DGKB: variants seen among roughly 807,000 people sequenced by gnomAD.
DGKB encodes diacylglycerol kinase beta, also known as 90 kDa diacylglycerol kinase.
Under a neutral mutation model 114.3 loss-of-function variants are expected in DGKB, and 67 were observed. The observed-to-expected ratio is 0.59, with a 90% CI of 0.48 to 0.72. DGKB has a LOEUF of 0.72. Among genes scored for constraint, DGKB ranks in the 30% least tolerant of loss-of-function variants. The pLI is 0.00. For synonymous variants in DGKB, 398 were observed against 323.1 expected (o/e 1.23, Z -2.49); for missense variants, 907 against 975.2 (o/e 0.93, Z 0.93).
At chr7:14,183,689 T>G (rs1405276275) in intron 23 of DGKB, among the ~76,000 whole-genome samples, 1 of 152,208 alleles carries the variant, frequency 6.6e-6, no homozygotes, top group Non-Finnish European at 1.5e-5. Context: ...TTACATAGAA[T>G]TGAAAATCTG....
intron 20 of DGKB, among the ~76,000 whole-genome samples, chr7:14,542,448 ATTC>A (rs1369751062): frequency 5.3e-5 from 8 of 151,824 alleles, no homozygotes; most frequent in Non-Finnish European, 1.0e-4. Flanking sequence ...TACTCACAAC[ATTC>A]TTCTTGTCCA....
At chr7:14,458,359 T>C (rs559570547) in intron 21 of DGKB, among the ~76,000 whole-genome samples, 1 of 152,294 alleles carries the variant, frequency 6.6e-6, no homozygotes, top group East Asian at 1.9e-4. Flanking sequence ...AATAAATACC[T>C]CTGATAAAAC....
chr7:14,638,166 T>C (rs1811091386), intron 13 of DGKB, among the ~76,000 whole-genome samples: 1 of 152,136 alleles, frequency 6.6e-6, no homozygotes, highest in Admixed American at 6.5e-5. Flanking sequence ...ATTTTACATG[T>C]GAGGCATTTT....
chr7:14,870,117 G>A (rs1477475932), intron 1 of DGKB, among the ~76,000 whole-genome samples: 1 of 152,154 alleles, frequency 6.6e-6, no homozygotes, highest in East Asian at 1.9e-4. Context: ...ATTGCCACCT[G>A]TATGAAAAAC....
At chr7:14,801,354 C>T (rs755935961) in intron 2 of DGKB, among the ~76,000 whole-genome samples, 1 of 152,100 alleles carries the variant, frequency 6.6e-6, no homozygotes. Context: ...GGGTGCTCAG[C>T]TGACAAGGAG....
intron 21 of DGKB, among the ~76,000 whole-genome samples, chr7:14,471,907 A>G (rs1182674820): frequency 1.3e-5 from 2 of 152,134 alleles, no homozygotes; most frequent in African/African-American, 4.8e-5. Context: ...AAAAGCAGAA[A>G]GTAGTACAGA....
At chr7:14,288,661 T>C (rs1584951273) in intron 23 of DGKB, among the ~76,000 whole-genome samples, 1 of 152,300 alleles carries the variant, frequency 6.6e-6, no homozygotes, top group East Asian at 1.9e-4. Context: ...TTTGCCTTCA[T>C]CATTTTGTCC....
intron 20 of DGKB, among the ~76,000 whole-genome samples, chr7:14,521,140 G>GTATGTAATAT (rs1178205705): frequency 1.3e-5 from 2 of 152,016 alleles, no homozygotes; most frequent in African/African-American, 4.8e-5. Context: ...TCTGTGTGTT[G>GTATGTAATAT]TATGTAATAT....
Position 14,682,758 on chromosome 7 carries a change from T to C in DGKB, c.913A>G (p.Thr305Ala). The C allele has an allele frequency of 1.2e-6, 2 of 1,612,424 alleles. No homozygotes were observed. Among genetic ancestry groups the C allele is most frequent in the Non-Finnish European group, 1.7e-6 (2 of 1,178,914 alleles). The change falls in exon 11 of 26, where the codon ACT (threonine) becomes GCT (alanine). Residue 305 changes from threonine to alanine, a missense_variant. Coordinates refer to ENST00000402815, the MANE Select transcript of DGKB (RefSeq NM_001350709.2). ...IKTYVKSKRN[T>A]DVMHHYWVEG... The stretch of plus-strand genomic sequence containing the variant: ...AAGCATGCACACAAACTTACATCAG[T>C]GTTCCTTTTGGACTTCACATAGGTC...
At chr7:14,864,505 A>G (rs919607390) in intron 1 of DGKB, among the ~76,000 whole-genome samples, 1 of 152,210 alleles carries the variant, frequency 6.6e-6, no homozygotes, top group African/African-American at 2.4e-5. Flanking sequence ...AAAATTATAC[A>G]GTCTGATTGG....
At chr7:14,188,388 C>T (rs1209633427) in intron 23 of DGKB, among the ~76,000 whole-genome samples, 1 of 149,152 alleles carries the variant, frequency 6.7e-6, no homozygotes, top group African/African-American at 2.5e-5. Flanking sequence ...TGGCCGGGCG[C>T]GGTGGCTCAC....
rs529773626 is a variant in DGKB, at chr7:14,645,776, C to G, written c.1135-15508G>C. On this transcript the variant is annotated intron_variant, in intron 13 of 25. Coordinates refer to ENST00000402815, the MANE Select transcript of DGKB (RefSeq NM_001350709.2). Reference sequence around the variant, plus strand: ...AAAGAAATAAAGAGTAAAGTTTTCTCAGACAAGCAAAAACTGAGGGAATTC... The same window carrying G: ...AAAGAAATAAAGAGTAAAGTTTTCTGAGACAAGCAAAAACTGAGGGAATTC... 2.0e-5 allele frequency among the ~76,000 whole-genome samples: 3 copies of G among 151,822 alleles called. No individual in the cohort carries two copies. In the South Asian group the frequency reaches 6.2e-4, roughly 32 times the overall value.
intron 3 of DGKB, among the ~76,000 whole-genome samples, chr7:14,757,265 C>G (rs1471891931): frequency 6.6e-6 from 1 of 152,138 alleles, no homozygotes; most frequent in East Asian, 1.9e-4. Flanking sequence ...GCCAAGCATA[C>G]TCCTTCTCTA....
intron 21 of DGKB, among the ~76,000 whole-genome samples, chr7:14,353,793 A>C (rs1233227270): frequency 5.9e-5 from 9 of 152,196 alleles, no homozygotes; most frequent in African/African-American, 2.2e-4. Flanking sequence ...AAAGGAGGTA[A>C]AGTAGAGAAT....
intron 21 of DGKB, among the ~76,000 whole-genome samples, chr7:14,420,493 C>G (rs934807389): frequency 3.9e-5 from 6 of 151,948 alleles, no homozygotes; most frequent in African/African-American, 1.4e-4. Context: ...GGAGCAGTAT[C>G]TATCCTATTT....
intron 1 of DGKB, among the ~76,000 whole-genome samples, chr7:14,924,927 C>T (rs1784678101): frequency 6.6e-6 from 1 of 152,126 alleles, no homozygotes; most frequent in Non-Finnish European, 1.5e-5. Flanking sequence ...TGCACAGCTT[C>T]TCTCCTTCCC....
intron 21 of DGKB, among the ~76,000 whole-genome samples, chr7:14,400,187 C>T (rs1051918688): frequency 6.6e-6 from 1 of 151,790 alleles, no homozygotes; most frequent in Admixed American, 6.6e-5. Context: ...GATTTCATTT[C>T]CTTGTGACTC....
At chr7:14,956,364 A>G (rs1562902368) in intron 1 of DGKB, among the ~76,000 whole-genome samples, 1 of 152,008 alleles carries the variant, frequency 6.6e-6, no homozygotes, top group Non-Finnish European at 1.5e-5. Flanking sequence ...TTTGAGTTCT[A>G]TTACTCAGCA....
In DGKB at chr7:14,837,111, ATT is replaced by A. The variant is rs373183564; in HGVS notation, c.70+4081_70+4082del. ...ACTTAATACTTATAGCACTGGACAT[ATT>A]TTTTTCCATATAAAACACAGATATA... On this transcript the variant is annotated intron_variant, in intron 2 of 25. Transcript: ENST00000402815. 2.0e-4 allele frequency among the ~76,000 whole-genome samples: 30 copies of A among 152,208 alleles called. No homozygotes were observed. The South Asian group carries it at 5.6e-3, about 28-fold the overall frequency.
Sources: gnomAD v4.1 joint callset for allele counts (sites outside exome capture counted in the v4.1 genomes callset) on GRCh38, gnomAD v4.1.1 for gene constraint, MANE v1.5 for transcripts, NCBI Gene and HGNC (gene_info 2026-07-23, HGNC 2026-07-21) for gene names.